The following CHM variants were observed in gnomAD, a reference collection of about 807,000 sequenced individuals.
The protein encoded by CHM is rab proteins geranylgeranyltransferase component A 1.
Under a neutral mutation model 49.0 loss-of-function variants are expected in CHM, and 10 were observed. That is an observed-to-expected ratio of 0.20 (90% CI 0.13 to 0.35). The LOEUF (loss-of-function observed/expected upper bound fraction) is 0.35. Among genes scored for constraint, CHM ranks in the 10% least tolerant of loss-of-function variants. The pLI, the probability that CHM is intolerant of heterozygous loss-of-function variation, is 1.00. For missense variants in CHM, 455 were observed against 478.4 expected (o/e 0.95, Z 0.46); for synonymous variants, 184 against 167.5 (o/e 1.10, Z -0.76).
intron 12 of CHM, among the ~76,000 whole-genome samples, chrX:85,886,142 GA>G (rs1193273383): frequency 9.1e-6 from 1 of 110,445 alleles, no homozygotes; most frequent in East Asian, 2.8e-4. Flanking sequence ...CTTCCACCAA[GA>G]ATTCTATTTG....
chrX:86,028,622 T>C (rs902403754), intron 1 of CHM, among the ~76,000 whole-genome samples: 2 of 112,085 alleles, frequency 1.8e-5, no homozygotes, highest in African/African-American at 6.5e-5. Context: ...GATAATGATG[T>C]TTTATGATTT....
chrX:85,895,886 C>T (rs1321290577), intron 11 of CHM, among the ~76,000 whole-genome samples: 1 of 109,418 alleles, frequency 9.1e-6, no homozygotes, highest in Non-Finnish European at 1.9e-5. Context: ...ACTGCAATAA[C>T]ATGTAAGGAC....
chrX:86,013,574 A>T (rs1225510180), intron 2 of CHM, among the ~76,000 whole-genome samples: 2 of 109,951 alleles, frequency 1.8e-5, no homozygotes. Context: ...GTCTCTACTA[A>T]AAATACAAAA....
intron 12 of CHM, among the ~76,000 whole-genome samples, chrX:85,890,609 GA>G (rs1356547278): frequency 8.9e-6 from 1 of 112,070 alleles, no homozygotes; most frequent in Non-Finnish European, 1.9e-5. Context: ...TGCCACGTAA[GA>G]AGTGCCTTTT....
chrX:86,030,925 T>TC lies in CHM; in HGVS notation c.50-3369dup, dbSNP rs1258821299. 8.1e-5 allele frequency among the ~76,000 whole-genome samples: 9 copies of TC among 111,011 alleles called. 1 individual carries two copies. In the Admixed American group the frequency reaches 8.6e-4, roughly 11 times the overall value. ...CCATGTTGCAGCATGGATCAGTACT[T>TC]CATTACTTTTTTTTTTAATAACCAC... On this transcript the variant is annotated intron_variant, in intron 1 of 14. Coordinates refer to ENST00000357749, the MANE Select transcript of CHM (RefSeq NM_000390.4).
intron 2 of CHM, among the ~76,000 whole-genome samples, chrX:86,010,509 ACTAT>A (rs761781270): frequency 4.5e-5 from 5 of 110,690 alleles, no homozygotes; most frequent in Admixed American, 1.9e-4. Context: ...ATATTCAAAA[ACTAT>A]CTATACCAAT....
At chrX:86,005,573 A>C (rs1175553494) in intron 2 of CHM, among the ~76,000 whole-genome samples, 2 of 112,070 alleles carry the variant, frequency 1.8e-5, no homozygotes, top group Non-Finnish European at 3.8e-5. Context: ...AAAACTGATA[A>C]AGGGGATATC....
At chrX:85,989,244 G>A (rs768003354) in intron 2 of CHM, among the ~76,000 whole-genome samples, 2 of 111,444 alleles carry the variant, frequency 1.8e-5, no homozygotes, top group Non-Finnish European at 3.8e-5. Flanking sequence ...AAGAAGCAAT[G>A]GGGAAAAGAC....
intron 12 of CHM, among the ~76,000 whole-genome samples, chrX:85,881,111 T>C (rs1924736396): frequency 8.9e-6 from 1 of 112,099 alleles, no homozygotes; most frequent in Admixed American, 9.5e-5. Flanking sequence ...TCAATAAATG[T>C]TAATTATAAT....
chrX:85,873,317 G>T, intron 13 of CHM, 105 bp from the exon 14 acceptor site: 1 of 556,180 alleles, frequency 1.8e-6, no homozygotes, highest in South Asian at 3.5e-5. Flanking sequence ...GACATAGTAG[G>T]AAATCAGAGC....
intron 11 of CHM, among the ~76,000 whole-genome samples, chrX:85,895,255 C>A (rs1055931907): frequency 1.0e-4 from 11 of 106,168 alleles, no homozygotes; most frequent in Non-Finnish European, 1.9e-4. Flanking sequence ...CATGCCTCAG[C>A]CTCCCAAGTA....
At chrX:85,895,299 C>G (rs755385930) in intron 11 of CHM, among the ~76,000 whole-genome samples, 1 of 93,517 alleles carries the variant, frequency 1.1e-5, no homozygotes, top group Admixed American at 1.2e-4. Flanking sequence ...CTACACCTGG[C>G]TATTTTTTTT....
intron 2 of CHM, among the ~76,000 whole-genome samples, chrX:86,002,406 G>A (rs1932759374): frequency 9.0e-6 from 1 of 111,228 alleles, no homozygotes; most frequent in African/African-American, 3.3e-5. Flanking sequence ...AACTAATGTA[G>A]TACAACATAG....
At chrX:85,893,706 C>T (rs1214819229) in intron 12 of CHM, among the ~76,000 whole-genome samples, 5 of 110,850 alleles carry the variant, frequency 4.5e-5, no homozygotes, top group Non-Finnish European at 9.4e-5. Context: ...CAGAAGGTGC[C>T]ACTTATGAGG....
intron 8 of CHM, among the ~76,000 whole-genome samples, chrX:85,946,648 C>T (rs5968727): frequency 0.23 from 25,704 of 111,419 alleles, 2,231 homozygotes; most frequent in Middle Eastern, 0.27. Context: ...GGCAGAAACC[C>T]ACTGCACAGA....
intron 8 of CHM, among the ~76,000 whole-genome samples, chrX:85,917,765 C>A (rs1927541344): frequency 9.5e-6 from 1 of 105,107 alleles, no homozygotes. Context: ...TTTCATAATG[C>A]AATTGGAAGC....
chrX:86,008,019 A>T (rs1474843008), intron 2 of CHM, among the ~76,000 whole-genome samples: 4 of 112,176 alleles, frequency 3.6e-5, no homozygotes, highest in Non-Finnish European at 7.5e-5. Flanking sequence ...AATGTCCAAC[A>T]ATGACAGACT....
chrX:86,017,030 A>C (rs755765338), intron 2 of CHM, among the ~76,000 whole-genome samples: 20 of 112,249 alleles, frequency 1.8e-4, no homozygotes, highest in Non-Finnish European at 3.8e-4. Flanking sequence ...TTAAAATTTG[A>C]CTGCTCCACT....
chrX:85,875,935 T>A (rs1924387702), intron 13 of CHM, among the ~76,000 whole-genome samples: 2 of 111,663 alleles, frequency 1.8e-5, no homozygotes, highest in Admixed American at 9.5e-5. Flanking sequence ...AAGAATGCAA[T>A]CCTATTTACA....
Sources: allele counts gnomAD v4.1 joint callset (sites outside exome capture counted in the v4.1 genomes callset), GRCh38; gene constraint gnomAD v4.1.1; transcripts MANE v1.5; gene names NCBI Gene and HGNC (gene_info 2026-07-23, HGNC 2026-07-21).